The following RIC1 variants were observed in gnomAD, a reference collection of about 807,000 sequenced individuals.
RIC1 encodes the protein RIC1 partner of RAB6A GEF complex.
A neutral mutation model predicts 169.0 loss-of-function variants in RIC1; 88 were observed. The observed-to-expected ratio is 0.52, with a 90% CI of 0.44 to 0.62. The LOEUF (loss-of-function observed/expected upper bound fraction) is 0.62. Among genes scored for constraint, RIC1 ranks in the 20% least tolerant of loss-of-function variants. RIC1 has a pLI of 0.00. For synonymous variants in RIC1, 790 were observed against 601.5 expected, an observed-to-expected ratio of 1.31 and a Z score of -4.59; for missense variants, 1,877 against 1,725.5, an observed-to-expected ratio of 1.09 and a Z score of -1.56.
intron 14 of RIC1, 36 bp from the exon 15 acceptor site, chr9:5,754,804 GC>G: frequency 8.3e-7 from 1 of 1,211,856 alleles, no homozygotes; most frequent in Non-Finnish European, 1.2e-6. Context: ...ATTTCTGGTA[GC>G]ATAAGGTAAA....
At chr9:5,739,713 T>C (rs1442096950) in intron 8 of RIC1, among the ~76,000 whole-genome samples, 1 of 152,116 alleles carries the variant, frequency 6.6e-6, no homozygotes, top group African/African-American at 2.4e-5. Context: ...AATGGCAGCA[T>C]GGGTCCAGGA....
At chr9:5,718,589 G>C (rs1001942987) in intron 4 of RIC1, among the ~76,000 whole-genome samples, 4 of 152,174 alleles carry the variant, frequency 2.6e-5, no homozygotes, top group East Asian at 3.8e-4. Flanking sequence ...AGGCTCAAAA[G>C]TAATTCAGAT....
chr9:5,710,648 C>T (rs551380718), intron 3 of RIC1, among the ~76,000 whole-genome samples: 3 of 152,072 alleles, frequency 2.0e-5, no homozygotes, highest in Non-Finnish European at 2.9e-5. Flanking sequence ...AACTTAGAAA[C>T]ACATACCAGA....
At chr9:5,648,439 G>A (rs1402304730) in intron 1 of RIC1, among the ~76,000 whole-genome samples, 1 of 152,136 alleles carries the variant, frequency 6.6e-6, no homozygotes, top group Non-Finnish European at 1.5e-5. Flanking sequence ...GGACACTTAG[G>A]TTGATTCCAT....
chr9:5,772,825 C>A (rs1827314340), intron 24 of RIC1, 67 bp from the exon 25 acceptor site: 1 of 1,548,492 alleles, frequency 6.5e-7, no homozygotes, highest in South Asian at 1.2e-5. Context: ...TCCTAATAAT[C>A]ATTGCACTTC....
intron 2 of RIC1, among the ~76,000 whole-genome samples, chr9:5,668,240 CAG>C (rs1491314076): frequency 3.0e-5 from 4 of 132,478 alleles, no homozygotes; most frequent in Admixed American, 2.4e-4. Context: ...TCCCATGACA[CAG>C]GGGATTATGG....
intron 11 of RIC1, among the ~76,000 whole-genome samples, chr9:5,747,082 G>C (rs1825421050): frequency 6.6e-6 from 1 of 152,170 alleles, no homozygotes; most frequent in African/African-American, 2.4e-5. Context: ...TGGCTTTCTA[G>C]CTGAAATCTC....
chr9:5,661,657 C>A (rs906734830), intron 2 of RIC1, among the ~76,000 whole-genome samples: 1 of 152,138 alleles, frequency 6.6e-6, no homozygotes, highest in African/African-American at 2.4e-5. Context: ...TATAAGAATG[C>A]TAATGATTTT....
chr9:5,654,391 T>G (rs1818968219), intron 1 of RIC1, among the ~76,000 whole-genome samples: 1 of 152,032 alleles, frequency 6.6e-6, no homozygotes, highest in Non-Finnish European at 1.5e-5. Flanking sequence ...GGATTACAGG[T>G]GACTGCCACC....
intron 1 of RIC1, among the ~76,000 whole-genome samples, chr9:5,650,237 T>C (rs1489584996): frequency 6.6e-6 from 1 of 151,996 alleles, no homozygotes; most frequent in Non-Finnish European, 1.5e-5. Flanking sequence ...GGGCAGTGCA[T>C]GTGGTATGGG....
intron 23 of RIC1, among the ~76,000 whole-genome samples, chr9:5,771,473 T>C (rs1190427559): frequency 6.6e-6 from 1 of 152,200 alleles, no homozygotes; most frequent in Admixed American, 6.5e-5. Flanking sequence ...TTGTGAATTA[T>C]GCTGCTGTGA....
chr9:5,771,020 T>G (rs1827181875), intron 23 of RIC1, among the ~76,000 whole-genome samples: 1 of 152,186 alleles, frequency 6.6e-6, no homozygotes, highest in Admixed American at 6.5e-5. Flanking sequence ...TTACCTGAGC[T>G]TCTGCTATGT....
chr9:5,728,903 CTG>C (rs138357669), intron 6 of RIC1, among the ~76,000 whole-genome samples: 6 of 152,208 alleles, frequency 3.9e-5, no homozygotes, highest in Admixed American at 2.6e-4. Context: ...TTATTGAAAA[CTG>C]TGAATTTTGG....
At chr9:5,685,209 A>G (rs976406957) in intron 2 of RIC1, among the ~76,000 whole-genome samples, 4 of 148,698 alleles carry the variant, frequency 2.7e-5, no homozygotes, top group Non-Finnish European at 4.5e-5. Context: ...GCCCAAGGTG[A>G]TTTACAGATT....
intron 8 of RIC1, among the ~76,000 whole-genome samples, chr9:5,742,654 A>G (rs1825147598): frequency 6.6e-6 from 1 of 152,118 alleles, no homozygotes; most frequent in Non-Finnish European, 1.5e-5. Context: ...CTTACAAATC[A>G]CCTGTGCACT....
chr9:5,681,154 T>C (rs1240999200), intron 2 of RIC1, among the ~76,000 whole-genome samples: 1 of 152,114 alleles, frequency 6.6e-6, no homozygotes, highest in African/African-American at 2.4e-5. Context: ...TTTGTGTCTC[T>C]ATTTCCTTCA....
intron 17 of RIC1, among the ~76,000 whole-genome samples, chr9:5,759,993 C>T (rs1477545892): frequency 2.0e-5 from 3 of 152,124 alleles, no homozygotes; most frequent in Admixed American, 1.3e-4. Flanking sequence ...GGGCCTTTCA[C>T]AAAGAGAAGG....
intron 25 of RIC1, 80 bp from the exon 26 acceptor site, chr9:5,773,878 T>C: frequency 7.7e-7 from 1 of 1,302,838 alleles, no homozygotes; most frequent in Non-Finnish European, 1.1e-6. Context: ...ATATCAATGT[T>C]CAGTAGAAGT....
At chr9:5,722,627 C>G (rs1377960163) in intron 6 of RIC1, among the ~76,000 whole-genome samples, 1 of 151,932 alleles carries the variant, frequency 6.6e-6, no homozygotes, top group Non-Finnish European at 1.5e-5. Flanking sequence ...TACATATGTA[C>G]ACATGTGCCA....
Sources: gnomAD v4.1 joint callset for allele counts (sites outside exome capture counted in the v4.1 genomes callset) on GRCh38, gnomAD v4.1.1 for gene constraint, MANE v1.5 for transcripts, NCBI Gene and HGNC (gene_info 2026-07-23, HGNC 2026-07-21) for gene names.